The following CCDC102B variants were observed in gnomAD, a reference collection of about 807,000 sequenced individuals.
CCDC102B encodes the protein coiled-coil domain containing 102B, also known as coiled-coil domain-containing protein 102B.
Under a neutral mutation model 57.4 loss-of-function variants are expected in CCDC102B, and 75 were observed. The observed-to-expected ratio is 1.31, with a 90% confidence interval of 1.08 to 1.58. The LOEUF (loss-of-function observed/expected upper bound fraction) is 1.58. CCDC102B is among the 40% of genes most tolerant of loss of function. CCDC102B has a pLI of 0.00. For missense variants in CCDC102B, 636 were observed against 582.6 expected (o/e 1.09, Z -0.94); for synonymous variants, 206 against 201.9 (o/e 1.02, Z -0.17).
chr18:69,025,076 T>G (rs965826547), intron 7 of CCDC102B, among the ~76,000 whole-genome samples: 11 of 152,146 alleles, frequency 7.2e-5, no homozygotes, highest in African/African-American at 2.7e-4. Context: ...TTAATTATTT[T>G]TTATTCTACT....
chr18:68,824,304 C>T (rs1676852), intron 1 of CCDC102B, among the ~76,000 whole-genome samples: 147,381 of 152,272 alleles, frequency 0.97, 71,490 homozygotes, highest in East Asian at 1. Context: ...ATGTATTGCA[C>T]GAGGAGGCCT....
At chr18:68,722,385 T>C (rs1555693965) in intron 2 of CCDC102B, among the ~76,000 whole-genome samples, 1 of 152,178 alleles carries the variant, frequency 6.6e-6, no homozygotes, top group African/African-American at 2.4e-5. Context: ...TGAAATGACC[T>C]CCATCTGGGA....
chr18:68,869,748 G>A (rs2039157396), intron 4 of CCDC102B, among the ~76,000 whole-genome samples: 1 of 151,978 alleles, frequency 6.6e-6, no homozygotes, highest in South Asian at 2.1e-4. Context: ...TGTCAATTTT[G>A]GTTTTCATTG....
chr18:68,973,708 T>C (rs762791137), intron 6 of CCDC102B, among the ~76,000 whole-genome samples: 2 of 152,182 alleles, frequency 1.3e-5, no homozygotes, highest in African/African-American at 4.8e-5. Context: ...AACAAGAGGT[T>C]AAATGCTAGT....
At chr18:68,862,738 A>G (rs1213743431) in intron 4 of CCDC102B, among the ~76,000 whole-genome samples, 1 of 152,080 alleles carries the variant, frequency 6.6e-6, no homozygotes, top group Non-Finnish European at 1.5e-5. Context: ...ATGCTGGGCT[A>G]CTCTCCAAGT....
At chr18:68,887,558 C>A (rs570950544) in intron 5 of CCDC102B, among the ~76,000 whole-genome samples, 1 of 152,218 alleles carries the variant, frequency 6.6e-6, no homozygotes, top group East Asian at 1.9e-4. Flanking sequence ...GACAAATGTC[C>A]GTGTTGGACT....
chr18:68,936,746 C>CACAT (rs1555729230), intron 6 of CCDC102B, among the ~76,000 whole-genome samples: 20 of 148,914 alleles, frequency 1.3e-4, no homozygotes, highest in African/African-American at 4.7e-4. Flanking sequence ...GGACAACTTT[C>CACAT]ATATATATAT....
chr18:68,880,984 G>A (rs1433201357), intron 5 of CCDC102B, among the ~76,000 whole-genome samples: 1 of 152,174 alleles, frequency 6.6e-6, no homozygotes, highest in Non-Finnish European at 1.5e-5. Context: ...CTGAAAAATA[G>A]AAAAATTATC....
At chr18:68,997,851 A>AT (rs2051073459) in intron 6 of CCDC102B, among the ~76,000 whole-genome samples, 2 of 150,618 alleles carry the variant, frequency 1.3e-5, no homozygotes, top group African/African-American at 4.9e-5. Flanking sequence ...ATTTAATAAT[A>AT]TGTGTTTTTT....
intron 6 of CCDC102B, among the ~76,000 whole-genome samples, chr18:68,955,924 A>G (rs2049832357): frequency 6.6e-6 from 1 of 152,042 alleles, no homozygotes; most frequent in Admixed American, 6.6e-5. Flanking sequence ...CAATCCAATT[A>G]CACTCTTTTA....
At chr18:68,799,202 G>A (rs1410435066) in intron 1 of CCDC102B, among the ~76,000 whole-genome samples, 4 of 151,944 alleles carry the variant, frequency 2.6e-5, no homozygotes, top group Non-Finnish European at 4.4e-5. Flanking sequence ...TTTAATGAAA[G>A]CAATAAATTA....
chr18:68,897,297 A>T lies in CCDC102B; in HGVS notation c.1132A>T (p.Arg378Ter). ...TGAAAGAGAAAAGCAGGGACTGGAGAGAGAAAATAGAAGGCTGAAGATCCA... is the reference window on the plus strand; with the variant it reads ...TGAAAGAGAAAAGCAGGGACTGGAGTGAGAAAATAGAAGGCTGAAGATCCA... Reference protein sequence around the residue: ...ILEREKQGLERENRRLKIQVK... With the variant: ...ILEREKQGLE Residue 378 changes from arginine (R) to a stop codon, truncating the protein, a stop_gained, in exon 6 of 8, where the codon AGA (arginine) becomes TGA (stop). Coordinates refer to ENST00000360242, the MANE Select transcript of CCDC102B (RefSeq NM_024781.3). LOFTEE classifies it high-confidence loss of function. 6.2e-7 allele frequency: 1 copy of T among 1,613,230 alleles called. No homozygotes were observed. The highest frequency in any genetic ancestry group is 8.5e-7 in the Non-Finnish European group (1 of 1,179,358).
intron 5 of CCDC102B, among the ~76,000 whole-genome samples, chr18:68,883,642 C>G (rs957109527): frequency 2.0e-5 from 3 of 152,146 alleles, no homozygotes; most frequent in Non-Finnish European, 4.4e-5. Flanking sequence ...CTAAACTAAA[C>G]CATTGTGCGT....
intron 6 of CCDC102B, among the ~76,000 whole-genome samples, chr18:68,979,686 C>A (rs572436608): frequency 6.6e-6 from 1 of 152,128 alleles, no homozygotes; most frequent in Admixed American, 6.6e-5. Context: ...ATGTCTAAGA[C>A]ATTTGCAAAG....
At chr18:69,013,188 T>C (rs2051567039) in intron 7 of CCDC102B, among the ~76,000 whole-genome samples, 1 of 152,132 alleles carries the variant, frequency 6.6e-6, no homozygotes. Flanking sequence ...GGAATACTAT[T>C]CACCTACAAA....
At chr18:68,921,183 G>T (rs1312685164) in intron 6 of CCDC102B, among the ~76,000 whole-genome samples, 1 of 152,146 alleles carries the variant, frequency 6.6e-6, no homozygotes, top group Non-Finnish European at 1.5e-5. Flanking sequence ...ATATGGTTTG[G>T]CTGTATCCCC....
chr18:69,054,110 T>C lies in CCDC102B; in HGVS notation c.1515T>C (p.Thr505=), dbSNP rs1298686913. ...EEKERNENLE[T]ELRHLQNW ...AAGAAAGAAATGAAAACTTAGAGAC[T>C]GAACTCAGGCACTTGCAAAACTGGT... Residue 505 remains threonine (T), a synonymous_variant, in exon 8 of 8, where the codon ACT becomes ACC. Coordinates refer to ENST00000360242, the MANE Select transcript of CCDC102B (RefSeq NM_024781.3). 2 of 1,606,500 alleles carry C rather than the reference T, an allele frequency of 1.2e-6. No individual in the cohort carries two copies. Among genetic ancestry groups the C allele is most frequent in the South Asian group, 1.1e-5 (1 of 90,050 alleles).
At chr18:68,797,639 G>C (rs2035678084), upstream of CCDC102B, among the ~76,000 whole-genome samples, 3 of 151,820 alleles carry the variant, frequency 2.0e-5, 1 homozygote, top group Admixed American at 2.0e-4. Context: ...TATTAAATAT[G>C]ATTTCTTTTG....
chr18:68,885,050 A>C (rs1446163357), intron 5 of CCDC102B, among the ~76,000 whole-genome samples: 1 of 151,988 alleles, frequency 6.6e-6, no homozygotes. Flanking sequence ...GTAGATTAAA[A>C]GCCCTCTATC....
Sources: allele counts gnomAD v4.1 joint callset (sites outside exome capture counted in the v4.1 genomes callset), GRCh38; gene constraint gnomAD v4.1.1; transcripts MANE v1.5; gene names NCBI Gene and HGNC (gene_info 2026-07-23, HGNC 2026-07-21).